Variants in PCDHA4 observed in about 807,000 individuals in gnomAD.
PCDHA4 encodes protocadherin alpha-4.
In PCDHA4, 49 loss-of-function variants were observed where a neutral mutation model predicts 61.4. That is an observed-to-expected ratio of 0.80 (90% CI 0.63 to 1.01). PCDHA4 has a LOEUF of 1.01. PCDHA4 is among the 50% of genes least tolerant of loss of function. PCDHA4 has a pLI of 0.00. For synonymous variants in PCDHA4, 590 were observed against 550.3 expected (o/e 1.07, Z -1.01); for missense variants, 1,254 against 1,235.8 (o/e 1.01, Z -0.22).
chr5:140,969,198 C>T lies in PCDHA4; in HGVS notation c.2386-9751C>T, dbSNP rs2096305688. ...AGTGACACTTTCATGTTTTACAATA[C>T]AGGGGCCCAGACAGGACCAGGGCCT... On this transcript the variant is annotated intron_variant, in intron 1 of 3. Coordinates refer to ENST00000530339, the MANE Select transcript of PCDHA4 (RefSeq NM_018907.4). 1 of 1,614,166 alleles carries T rather than the reference C, an allele frequency of 6.2e-7. No individual in the cohort carries two copies. Among genetic ancestry groups the T allele is most frequent in the Non-Finnish European group, 8.5e-7 (1 of 1,180,032 alleles).
chr5:140,972,660 ATTTTTTTTT>A (rs11350929), intron 1 of PCDHA4, among the ~76,000 whole-genome samples: 1 of 117,268 alleles, frequency 8.5e-6, no homozygotes, highest in Non-Finnish European at 1.7e-5. Flanking sequence ...AAGAAACCAA[ATTTTTTTTT>A]TTTTTTTTTT....
chr5:140,865,315 G>A (rs183867521), intron 1 of PCDHA4: 43 of 152,182 alleles, frequency 2.8e-4, no homozygotes, highest in African/African-American at 7.9e-4. Flanking sequence ...CAAATGAGAT[G>A]GCCTTTAATT....
At chr5:140,845,868 G>C (rs1252869410) in intron 1 of PCDHA4, among the ~76,000 whole-genome samples, 1 of 149,474 alleles carries the variant, frequency 6.7e-6, no homozygotes, top group South Asian at 2.1e-4. Flanking sequence ...TTGCAGAAAG[G>C]CAACCTAAAA....
At chr5:140,882,702 C>T (rs2059269414) in intron 1 of PCDHA4, 1 of 1,614,098 alleles carries the variant, frequency 6.2e-7, no homozygotes, top group African/African-American at 1.3e-5. Flanking sequence ...ATTGCAGAAT[C>T]TAGACCTCCG....
In PCDHA4 at chr5:140,827,543, G is replaced by A. The variant is rs2150148140; in HGVS notation, c.2385+17971G>A. The stretch of plus-strand genomic sequence containing the variant: ...TTCAACCAAAATTTGATAATTTTAA[G>A]TTACATTTTTTCCCTAGAGCACTAT... On this transcript the variant is annotated intron_variant, in intron 1 of 3. Coordinates refer to ENST00000530339, the MANE Select transcript of PCDHA4 (RefSeq NM_018907.4). 6.6e-5 allele frequency among the ~76,000 whole-genome samples: 9 copies of A among 136,154 alleles called. No homozygotes were observed. The South Asian group carries it at 1.9e-3, about 28-fold the overall frequency. The allele number at this position is 136,154 out of a possible 152,430, so 89.3% of individuals were successfully genotyped here.
chr5:140,894,572 T>C (rs2064553478), intron 1 of PCDHA4, among the ~76,000 whole-genome samples: 2 of 152,010 alleles, frequency 1.3e-5, no homozygotes, highest in Admixed American at 6.5e-5. Flanking sequence ...TATTTTCCTT[T>C]TTTTTAATAT....
At chr5:140,809,671 A>G (rs1554125342) in intron 1 of PCDHA4, 99 bp downstream of exon 1, 1 of 1,440,468 alleles carries the variant, frequency 6.9e-7, no homozygotes, top group African/African-American at 1.4e-5. Context: ...CTGGGTTAAA[A>G]TTTTACCTCT....
At chr5:140,812,894 A>G (rs1765195781) in intron 1 of PCDHA4, 1 of 152,312 alleles carries the variant, frequency 6.6e-6, no homozygotes, top group African/African-American at 2.4e-5. Context: ...TGAAATTTTG[A>G]ACAGAATTTC....
At chr5:140,921,726 A>C (rs1278671755) in intron 1 of PCDHA4, among the ~76,000 whole-genome samples, 1 of 152,170 alleles carries the variant, frequency 6.6e-6, no homozygotes, top group East Asian at 1.9e-4. Flanking sequence ...AATTACTCCC[A>C]TAAAAATTAT....
At chr5:140,961,936 T>C (rs1163967895) in intron 1 of PCDHA4, among the ~76,000 whole-genome samples, 1 of 151,364 alleles carries the variant, frequency 6.6e-6, no homozygotes, top group Non-Finnish European at 1.5e-5. Flanking sequence ...CAGGCTGGAG[T>C]GCAGTGGCAT....
At chr5:140,850,542 T>G (rs1554144492) in intron 1 of PCDHA4, 1 of 1,597,608 alleles carries the variant, frequency 6.3e-7, no homozygotes, top group Non-Finnish European at 8.6e-7. Flanking sequence ...GTCGCGGGCG[T>G]CAGTGGGTGC....
At chr5:140,931,982 T>G (rs1486789443) in intron 1 of PCDHA4, among the ~76,000 whole-genome samples, 1 of 151,968 alleles carries the variant, frequency 6.6e-6, no homozygotes, top group Non-Finnish European at 1.5e-5. Context: ...GTTTATATTT[T>G]GCTCAAATTC....
At chr5:140,920,481 G>T (rs2079651233) in intron 1 of PCDHA4, among the ~76,000 whole-genome samples, 1 of 151,886 alleles carries the variant, frequency 6.6e-6, no homozygotes, top group Non-Finnish European at 1.5e-5. Context: ...TATGTTTTTG[G>T]TCCAACAATA....
intron 1 of PCDHA4, among the ~76,000 whole-genome samples, chr5:140,894,474 T>C (rs1333675195): frequency 6.6e-6 from 1 of 152,022 alleles, no homozygotes; most frequent in Non-Finnish European, 1.5e-5. Flanking sequence ...TTATTCTTGT[T>C]TTCATCTTAT....
chr5:140,847,504 T>C (rs1781050995), intron 1 of PCDHA4: 1 of 149,690 alleles, frequency 6.7e-6, no homozygotes. Flanking sequence ...ACAACAAAAC[T>C]TTGTAGAACT....
Position 140,843,714 on chromosome 5 carries a change from A to C in PCDHA4, c.2385+34142A>C, listed in dbSNP as rs782749981. ...GATTTAAATGTTGATCATGGCCTCA[A>C]AGTAAGTCCATTTAAATTTAGAACT... is the stretch of plus-strand genomic sequence containing the variant. On this transcript the variant is annotated intron_variant, in intron 1 of 3. Transcript: ENST00000530339. The C allele has an allele frequency of 2.5e-6, 4 of 1,569,610 alleles. 1 individual carries two copies. The highest frequency in any genetic ancestry group is 1.4e-5 in the African/African-American group (1 of 73,998).
intron 1 of PCDHA4, among the ~76,000 whole-genome samples, chr5:140,961,302 A>G (rs1383841228): frequency 6.6e-6 from 1 of 152,222 alleles, no homozygotes; most frequent in African/African-American, 2.4e-5. Context: ...GTTAAAGAAC[A>G]TGATTTACCA....
intron 1 of PCDHA4, chr5:140,823,168 G>T (rs782693358): frequency 6.2e-7 from 1 of 1,613,838 alleles, no homozygotes; most frequent in African/African-American, 1.3e-5. Flanking sequence ...GTTCGTGAAG[G>T]AGAACAACCC....
intron 1 of PCDHA4, among the ~76,000 whole-genome samples, chr5:140,831,520 C>CT (rs2150195630): frequency 0.01 from 1,282 of 122,330 alleles, 10 homozygotes; most frequent in East Asian, 0.043. Flanking sequence ...TGCCCCCCAC[C>CT]TTTTTTTTTT....
Sources: gnomAD v4.1 joint callset for allele counts (sites outside exome capture counted in the v4.1 genomes callset) on GRCh38, gnomAD v4.1.1 for gene constraint, MANE v1.5 for transcripts, NCBI Gene and HGNC (gene_info 2026-07-23, HGNC 2026-07-21) for gene names.